The following SRPK2 variants were observed in gnomAD, a reference collection of about 807,000 sequenced individuals.
SRPK2 encodes SFRS protein kinase 2.
Under a neutral mutation model 90.8 loss-of-function variants are expected in SRPK2, and 21 were observed. That is an observed-to-expected ratio of 0.23 (90% CI 0.16 to 0.33). The LOEUF (loss-of-function observed/expected upper bound fraction) is 0.33, where lower values mean the gene tolerates loss of function less well. Ranked by LOEUF, SRPK2 falls within the 10% of genes least tolerant of loss-of-function variation. SRPK2 has a pLI of 1.00. For synonymous variants in SRPK2, 288 were observed against 311.1 expected (o/e 0.93, Z 0.78); for missense variants, 620 against 869.0 (o/e 0.71, Z 3.60).
intron 2 of SRPK2, among the ~76,000 whole-genome samples, chr7:105,324,766 A>G (rs1297232789): frequency 3.3e-5 from 5 of 152,168 alleles, no homozygotes; most frequent in Non-Finnish European, 7.4e-5. Context: ...GCACGCCTGC[A>G]ATCCCAGCTT....
chr7:105,220,840 A>C (rs1443957893), intron 2 of SRPK2, among the ~76,000 whole-genome samples: 1 of 152,126 alleles, frequency 6.6e-6, no homozygotes, highest in Non-Finnish European at 1.5e-5. Flanking sequence ...AGCCATCTTG[A>C]ATTGTTTAAA....
chr7:105,242,984 G>T (rs999564769), intron 2 of SRPK2, among the ~76,000 whole-genome samples: 10 of 152,130 alleles, frequency 6.6e-5, no homozygotes, highest in Non-Finnish European at 1.2e-4. Context: ...AAAAAGCCTG[G>T]ATATCTTAAC....
At chr7:105,348,278 T>A (rs1816715053) in intron 2 of SRPK2, among the ~76,000 whole-genome samples, 1 of 151,768 alleles carries the variant, frequency 6.6e-6, no homozygotes, top group African/African-American at 2.4e-5. Context: ...TCCATGTTGG[T>A]CAGACTGGTC....
Position 105,124,640 on chromosome 7 carries a change from TAAAAA to T in SRPK2, c.1915+1603_1915+1607del, listed in dbSNP as rs57925635. Among the ~76,000 whole-genome samples the T allele has an allele frequency of 2.6e-4, 14 of 52,926 alleles. 1 individual carries two copies. The highest frequency in any genetic ancestry group is 8.6e-4 in the African/African-American group (14 of 16,234). The allele number at this position is 52,926 out of a possible 152,430, so 34.7% of individuals were successfully genotyped here. The stretch of plus-strand genomic sequence containing the variant: ...TGGACAACAAGAGCAAAACTCCATC[TAAAAA>T]AAAAAAAAAAAAAATCAATGTGGTT... On this transcript the variant is annotated intron_variant, in intron 15 of 15. Coordinates refer to ENST00000393651, the MANE Select transcript of SRPK2 (RefSeq NM_182692.3).
chr7:105,368,685 G>A (rs1482827125), intron 2 of SRPK2, among the ~76,000 whole-genome samples: 1 of 151,992 alleles, frequency 6.6e-6, no homozygotes. Context: ...AGGAGTTCAA[G>A]ACCAGCCTGC....
intron 2 of SRPK2, among the ~76,000 whole-genome samples, chr7:105,215,121 A>G (rs547241803): frequency 9.8e-5 from 15 of 152,356 alleles, no homozygotes; most frequent in African/African-American, 3.6e-4. Context: ...GGGACGGAAC[A>G]ACCGAATATT....
chr7:105,159,383 G>A (rs1807071227), intron 7 of SRPK2, among the ~76,000 whole-genome samples: 1 of 139,760 alleles, frequency 7.2e-6, no homozygotes, highest in Admixed American at 7.8e-5. Flanking sequence ...CTGCTCAGGA[G>A]GCTGCAATGA....
At chr7:105,269,887 C>T (rs1354211958) in intron 2 of SRPK2, among the ~76,000 whole-genome samples, 1 of 152,172 alleles carries the variant, frequency 6.6e-6, no homozygotes, top group African/African-American at 2.4e-5. Context: ...AGTGTGCTTT[C>T]ATAATAAAAA....
intron 7 of SRPK2, among the ~76,000 whole-genome samples, chr7:105,157,474 A>ATTCC (rs756398861): frequency 3.0e-4 from 45 of 152,222 alleles, no homozygotes; most frequent in Non-Finnish European, 5.9e-4. Flanking sequence ...TTGAAGGGAA[A>ATTCC]CCTCAGGTAA....
chr7:105,115,651 T>A (rs1393451088), downstream of SRPK2: 1 of 152,202 alleles, frequency 6.6e-6, no homozygotes, highest in Admixed American at 6.5e-5. Context: ...TTATGCCTAA[T>A]ACAAATGTAT....
Position 105,116,513 on chromosome 7 carries a change from A to G in SRPK2, c.*1325T>C, listed in dbSNP as rs984757792. ...CATATGGATAAATGTTAATGGACAA[A>G]GTCAAAAACGAGGCACCTTAATGAA... On this transcript the variant is annotated 3_prime_UTR_variant, in exon 16 of 16. Coordinates refer to ENST00000393651, the MANE Select transcript of SRPK2 (RefSeq NM_182692.3). 6.6e-6 allele frequency: 1 copy of G among 152,652 alleles called. No homozygotes were observed. The highest frequency in any genetic ancestry group is 2.4e-5 in the African/African-American group (1 of 41,472). 9.5% of individuals were successfully genotyped at this position (152,652 alleles called of 1,614,324 possible). A position where few individuals can be genotyped will look rare whatever the true frequency, so the allele number is the denominator to read the frequency against.
At chr7:105,221,986 T>C (rs1585230433) in intron 2 of SRPK2, among the ~76,000 whole-genome samples, 1 of 152,184 alleles carries the variant, frequency 6.6e-6, no homozygotes, top group Non-Finnish European at 1.5e-5. Flanking sequence ...AAACATCTTC[T>C]CCTATCATTA....
intron 2 of SRPK2, chr7:105,301,769 G>A: frequency 6.3e-7 from 1 of 1,590,480 alleles, no homozygotes; most frequent in African/African-American, 1.3e-5. Context: ...TATTAGCCAA[G>A]TTACAGGAAG....
At chr7:105,336,463 A>C (rs959745693) in intron 2 of SRPK2, among the ~76,000 whole-genome samples, 1 of 146,100 alleles carries the variant, frequency 6.8e-6, no homozygotes, top group South Asian at 2.1e-4. Flanking sequence ...AAACATGTAT[A>C]TGTACCAGTT....
chr7:105,141,472 A>G (rs568811132), intron 11 of SRPK2, among the ~76,000 whole-genome samples: 1 of 152,324 alleles, frequency 6.6e-6, no homozygotes, highest in African/African-American at 2.4e-5. Flanking sequence ...CCAATCTATA[A>G]TCTGTCATCA....
At chr7:105,176,731 ATGTATGTATGTGTGTATATG>A (rs1365187014) in intron 3 of SRPK2, among the ~76,000 whole-genome samples, 1 of 125,214 alleles carries the variant, frequency 8.0e-6, no homozygotes, top group Non-Finnish European at 1.7e-5. Flanking sequence ...GTGTGTATGT[ATGTATGTATGTGTGTATATG>A]TGTGTGTGTG....
At chr7:105,216,959 T>C (rs1208361705) in intron 2 of SRPK2, among the ~76,000 whole-genome samples, 1 of 152,188 alleles carries the variant, frequency 6.6e-6, no homozygotes, top group East Asian at 1.9e-4. Flanking sequence ...GTGTACATGG[T>C]AGGCATTCAA....
chr7:105,323,804 T>C (rs949090445), intron 2 of SRPK2, among the ~76,000 whole-genome samples: 3 of 152,182 alleles, frequency 2.0e-5, no homozygotes, highest in African/African-American at 7.2e-5. Context: ...GACATGACAC[T>C]CACATCTTTC....
Position 105,168,094 on chromosome 7 carries a change from C to T in SRPK2, c.340G>A (p.Gly114Arg). 1 of 1,608,046 alleles carries T rather than the reference C, an allele frequency of 6.2e-7. No homozygotes were observed. The highest frequency in any genetic ancestry group is 1.7e-5 in the Admixed American group (1 of 59,512). The change falls in exon 5 of 16, where the codon GGG becomes AGG. Residue 114 changes from glycine to arginine, a missense_variant and splice_region_variant. This residue lies in a region of SRPK2 where 196 missense variants were observed against 339.2 expected (regional missense o/e 0.58). Transcript: ENST00000393651. ...STVWLCWDMQ[G>R]KRFVAMKVVK... ...ACTTTCATTGCAACAAATCTTTTCC[C>T]CCTAAAAGAAAAAACAAAAAAAGAG... is the stretch of plus-strand genomic sequence containing the variant.
Sources: gnomAD v4.1 joint callset for allele counts (sites outside exome capture counted in the v4.1 genomes callset) on GRCh38, gnomAD v4.1.1 for gene constraint, gnomAD v4.1.1 regional missense constraint, MANE v1.5 for transcripts, NCBI Gene and HGNC (gene_info 2026-07-23, HGNC 2026-07-21) for gene names.